CDH22: variants seen among roughly 807,000 people sequenced by gnomAD.
CDH22 encodes cadherin-22.
A neutral mutation model predicts 58.4 loss-of-function variants in CDH22; 30 were observed. The ratio of observed to expected loss-of-function variants is 0.51; its 90% CI spans 0.38 to 0.70. The LOEUF (loss-of-function observed/expected upper bound fraction) is 0.70, where lower values mean the gene tolerates loss of function less well. CDH22 is among the 30% of genes least tolerant of loss of function. The pLI is 0.00. For synonymous variants in CDH22, 513 were observed against 558.2 expected (o/e 0.92, Z 1.14); for missense variants, 1,014 against 1,233.9 (o/e 0.82, Z 2.67).
chr20:46,178,006 C>T lies in CDH22; in HGVS notation c.1855G>A (p.Ala619Thr). ...QSCNTTAFVM[A>T]ASLSPGALIA... ...AGGGCGCCGGGGCTGAGGGAGGCGG[C>T]CATGACAAAGGCCGTGGTGTTGCAG... Residue 619 changes from alanine (A) to threonine (T), a missense_variant, in exon 11 of 12, where the codon GCC becomes ACC. Ala to Thr is a moderately conservative substitution (Grantham distance 58). Coordinates refer to ENST00000537909, the MANE Select transcript of CDH22 (RefSeq NM_021248.3). The T allele has an allele frequency of 1.9e-6, 3 of 1,614,030 alleles. No individual in the cohort carries two copies. The highest frequency in any genetic ancestry group is 2.5e-6 in the Non-Finnish European group (3 of 1,179,998).
At chr20:46,253,666 T>C (rs2086392278) in intron 1 of CDH22, among the ~76,000 whole-genome samples, 1 of 151,796 alleles carries the variant, frequency 6.6e-6, no homozygotes, top group Non-Finnish European at 1.5e-5. Flanking sequence ...GAGACTGGAG[T>C]TATGGGTGAG....
At chr20:46,299,228 C>T (rs1248147415) in intron 1 of CDH22, among the ~76,000 whole-genome samples, 1 of 152,206 alleles carries the variant, frequency 6.6e-6, no homozygotes, top group Non-Finnish European at 1.5e-5. Flanking sequence ...GAAGCCTTTG[C>T]CAAGCTCCTC....
chr20:46,259,464 C>A (rs2145746076), intron 1 of CDH22, among the ~76,000 whole-genome samples: 1 of 152,332 alleles, frequency 6.6e-6, no homozygotes, highest in East Asian at 1.9e-4. Flanking sequence ...ATGTGCCACA[C>A]CACCTGTAAG....
intron 2 of CDH22, among the ~76,000 whole-genome samples, chr20:46,245,540 T>C (rs1180384604): frequency 6.6e-6 from 1 of 150,752 alleles, no homozygotes; most frequent in Non-Finnish European, 1.5e-5. Context: ...GTTGAATATG[T>C]GTGTGTGTGT....
chr20:46,267,331 C>T (rs1427239617), intron 1 of CDH22, among the ~76,000 whole-genome samples: 2 of 152,224 alleles, frequency 1.3e-5, no homozygotes, highest in East Asian at 1.9e-4. Context: ...CCAACTGCTA[C>T]ATGTTTTCAC....
intron 1 of CDH22, among the ~76,000 whole-genome samples, chr20:46,278,190 C>A (rs117421334): frequency 6.6e-6 from 1 of 150,484 alleles, no homozygotes; most frequent in African/African-American, 2.4e-5. Context: ...GGGGACCACC[C>A]TCCAGTTCTA....
In CDH22 at chr20:46,232,707, C is replaced by T. The variant is rs116722581; in HGVS notation, c.551-5080G>A. Among the ~76,000 whole-genome samples the T allele has an allele frequency of 4.5e-3, 689 of 152,310 alleles. 9 individuals are homozygous for T. Among genetic ancestry groups the T allele is most frequent in the African/African-American group, 0.016 (658 of 41,554 alleles). On this transcript the variant is annotated intron_variant, in intron 3 of 11. Transcript: ENST00000537909. ...AAATTAAAAACCACTTGTCGAGTCTCTGGGAACGCTCAGATTACACAGGAA... is the reference window on the plus strand; with the variant it reads ...AAATTAAAAACCACTTGTCGAGTCTTTGGGAACGCTCAGATTACACAGGAA...
At chr20:46,307,309 C>G (rs1440998890) in intron 1 of CDH22, among the ~76,000 whole-genome samples, 1 of 152,206 alleles carries the variant, frequency 6.6e-6, no homozygotes, top group Non-Finnish European at 1.5e-5. Flanking sequence ...GGGACAGGGC[C>G]CGACGTTGCC....
Position 46,199,432 on chromosome 20 carries a change from T to C in CDH22, c.1414A>G (p.Met472Val). 2 of 1,611,122 alleles carry C rather than the reference T, an allele frequency of 1.2e-6. No homozygotes were observed. The highest frequency in any genetic ancestry group is 1.7e-6 in the Non-Finnish European group (2 of 1,179,642). ...AGWHNITVLAMEADNHAQLSR... is the reference protein window; with the variant it reads ...AGWHNITVLAVEADNHAQLSR... ...GTGGCGCCCAGCTCACCCGCCTCCATGGCCAGCACTGTGATGTTGTGCCAG... is the reference window on the plus strand; with the variant it reads ...GTGGCGCCCAGCTCACCCGCCTCCACGGCCAGCACTGTGATGTTGTGCCAG... The change falls in exon 8 of 12, where the codon ATG (methionine) becomes GTG (valine). Residue 472 changes from methionine (M) to valine (V), a missense_variant. Physicochemically the swap from Met to Val is conservative, Grantham distance 21 (BLOSUM62 1). This residue lies in a region of CDH22 where 806 missense variants were observed against 1,038.7 expected (regional missense o/e 0.78). Transcript: ENST00000537909.
intron 1 of CDH22, among the ~76,000 whole-genome samples, chr20:46,288,916 G>C (rs1252015270): frequency 6.6e-6 from 1 of 152,182 alleles, no homozygotes; most frequent in Non-Finnish European, 1.5e-5. Flanking sequence ...CCTGCAGACT[G>C]TTCTCAGTTA....
intron 1 of CDH22, among the ~76,000 whole-genome samples, chr20:46,284,217 T>C (rs915323800): frequency 1.0e-4 from 15 of 148,572 alleles, no homozygotes; most frequent in African/African-American, 3.8e-4. Flanking sequence ...GACAGGAAGG[T>C]GTGCCAGAGT....
chr20:46,180,652 A>C (rs1056020573), intron 10 of CDH22, among the ~76,000 whole-genome samples: 3 of 152,180 alleles, frequency 2.0e-5, no homozygotes, highest in African/African-American at 7.2e-5. Context: ...CATTTTGTAT[A>C]TATGGAAATT....
At chr20:46,184,486 C>A (rs1806275637) in intron 10 of CDH22, among the ~76,000 whole-genome samples, 1 of 152,144 alleles carries the variant, frequency 6.6e-6, no homozygotes, top group East Asian at 1.9e-4. Flanking sequence ...TGAACAAAGT[C>A]AAGTCCAGAC....
At chr20:46,212,176 C>A (rs928680554) in intron 6 of CDH22, among the ~76,000 whole-genome samples, 7 of 152,172 alleles carry the variant, frequency 4.6e-5, no homozygotes, top group African/African-American at 1.7e-4. Flanking sequence ...AGGCAGAGCT[C>A]AGGCTGATAG....
At chr20:46,279,655 A>C (rs2086539485) in intron 1 of CDH22, among the ~76,000 whole-genome samples, 1 of 152,202 alleles carries the variant, frequency 6.6e-6, no homozygotes, top group African/African-American at 2.4e-5. Flanking sequence ...TACTAAGCTC[A>C]TCCTAGGAGC....
intron 4 of CDH22, among the ~76,000 whole-genome samples, chr20:46,225,974 C>A (rs2086168057): frequency 6.6e-6 from 1 of 152,082 alleles, no homozygotes; most frequent in South Asian, 2.1e-4. Context: ...AACCCAAAAC[C>A]CAAATCCATC....
At position 46,174,874 on chromosome 20, in the gene CDH22, C is replaced by T. The variant is rs773052547; in HGVS notation, c.2119G>A (p.Gly707Ser). The T allele has an allele frequency of 8.5e-5, 115 of 1,358,664 alleles. No individual in the cohort carries two copies. Among genetic ancestry groups the T allele is most frequent in the Non-Finnish European group, 1.0e-4 (107 of 1,053,258 alleles). The allele number at this position is 1,358,664 out of a possible 1,614,324, so 84.2% of individuals were successfully genotyped here. Residue 707 changes from glycine to serine, a missense_variant, in exon 12 of 12, where the codon GGC (glycine) becomes AGC (serine). Coordinates refer to ENST00000537909, the MANE Select transcript of CDH22 (RefSeq NM_021248.3). The surrounding 1 kb of genome is among the most constrained non-coding windows in gnomAD (Gnocchi z 4.4). ...LKGGDGGGSA[G>S]GGAGGGSGGG... ...CCCGAGCCCCCGCCCGCTCCCCCGC[C>T]CGCGCTGCCGCCCCCGTCGCCGCCC... is the stretch of plus-strand genomic sequence containing the variant.
Position 46,199,692 on chromosome 20 carries a change from C to A in CDH22, c.1287-133G>T, listed in dbSNP as rs1055517194. 7.1e-6 allele frequency: 8 copies of A among 1,127,508 alleles called. No individual in the cohort carries two copies. In the African/African-American group the frequency reaches 7.8e-5, roughly 11 times the overall value. 69.8% of individuals were successfully genotyped at this position (1,127,508 alleles called of 1,614,324 possible). On this transcript the variant is annotated intron_variant, in intron 7 of 11. Transcript: ENST00000537909. ...ACACAAGGGGCAGAGAAACCCCTTG[C>A]GACCGAGGAGGAGCGGGAAGCAACT...
intron 8 of CDH22, among the ~76,000 whole-genome samples, chr20:46,194,452 A>T (rs2085884751): frequency 6.6e-6 from 1 of 152,180 alleles, no homozygotes; most frequent in Non-Finnish European, 1.5e-5. Context: ...AGAAAGCCTC[A>T]TGGGGGAACT....
Sources: allele counts gnomAD v4.1 joint callset (sites outside exome capture counted in the v4.1 genomes callset), GRCh38; gene constraint gnomAD v4.1.1; regional missense constraint gnomAD v4.1.1; non-coding constraint Gnocchi (gnomAD v3.1); transcripts MANE v1.5; gene names NCBI Gene and HGNC (gene_info 2026-07-23, HGNC 2026-07-21).